Variants in KANK1 observed in about 807,000 individuals in gnomAD.
KANK1 encodes KN motif and ankyrin repeat domain-containing protein 1.
In KANK1, 109 loss-of-function variants were observed where a neutral mutation model predicts 106.2. The ratio of observed to expected loss-of-function variants is 1.03; its 90% CI spans 0.88 to 1.20. KANK1 has a LOEUF of 1.20. Ranked by LOEUF, KANK1 falls within the 50% of genes most tolerant of loss-of-function variation. KANK1 has a pLI of 0.00. For synonymous variants in KANK1, 873 were observed against 652.2 expected (o/e 1.34, Z -5.16); for missense variants, 2,399 against 1,710.7 (o/e 1.40, Z -7.10).
chr9:608,150 G>C (rs1271000853), intron 1 of KANK1, among the ~76,000 whole-genome samples: 1 of 147,174 alleles, frequency 6.8e-6, no homozygotes, highest in African/African-American at 2.5e-5. Context: ...CCATTCTCCT[G>C]CCTCAGCCTC....
chr9:555,350 A>G (rs570910234), intron 1 of KANK1, among the ~76,000 whole-genome samples: 6 of 152,034 alleles, frequency 3.9e-5, no homozygotes, highest in African/African-American at 1.5e-4. Context: ...CACCATGTAC[A>G]TGATGGCACG....
At chr9:660,249 C>A in intron 1 of KANK1, 1 of 247,400 alleles carries the variant, frequency 4.0e-6, no homozygotes, top group South Asian at 6.3e-5. Context: ...ACAGGGTGAC[C>A]AGCACAAGAA....
At chr9:497,959 G>T (rs1197765587) in intron 3 of KANK1, among the ~76,000 whole-genome samples, 1 of 152,098 alleles carries the variant, frequency 6.6e-6, no homozygotes, top group African/African-American at 2.4e-5. Context: ...TGACTTCGGG[G>T]ATCTCTCGCT....
rs574807424 is a variant in KANK1, at chr9:580,028, C to G, written c.-84+75274C>G. Among the ~76,000 whole-genome samples the G allele has an allele frequency of 4.7e-4, 72 of 152,270 alleles. 2 individuals are homozygous for G. The highest frequency in any genetic ancestry group is 1.7e-3 in the African/African-American group (70 of 41,514). On this transcript the variant is annotated intron_variant, in intron 1 of 11. Transcript: ENST00000382297. ...TCAAGAATGAAGCCACAGACCCTTG[C>G]GGTGAGTGTTACAGTTCTTAAAGAT...
At chr9:503,152 A>T (rs891653131), upstream of KANK1, among the ~76,000 whole-genome samples, 71 of 152,124 alleles carry the variant, frequency 4.7e-4, no homozygotes, top group African/African-American at 1.7e-3. Context: ...GAGCACTTTT[A>T]AAATGCAGGA....
chr9:470,462 G>A (rs1257969450), intron 1 of KANK1: 1 of 152,524 alleles, frequency 6.6e-6, no homozygotes, highest in Non-Finnish European at 1.5e-5. Context: ...TGGGAACCAA[G>A]TAAAGTAAAA....
chr9:743,367 G>C (rs1180147552), intron 10 of KANK1, among the ~76,000 whole-genome samples: 2 of 152,236 alleles, frequency 1.3e-5, no homozygotes, highest in African/African-American at 4.8e-5. Context: ...AGCTGCAGCT[G>C]TAGCAGATTC....
rs1008553347 is a variant in KANK1 at position 726,025 on chromosome 9, G to A, written c.2699-4026G>A. Among the ~76,000 whole-genome samples, 3 of 152,316 alleles carry A rather than the reference G, an allele frequency of 2.0e-5. No homozygotes were observed. The East Asian group carries it at 5.8e-4, about 29-fold the overall frequency. On this transcript the variant is annotated intron_variant, in intron 3 of 11. Transcript: ENST00000382297. ...GTGACTCTTTAGCCTTAGCAAAGCA[G>A]TGTTAAATGGGTTTCCTGTATATCC...
intron 1 of KANK1, among the ~76,000 whole-genome samples, chr9:607,655 C>T (rs574018698): frequency 6.6e-6 from 1 of 151,674 alleles, no homozygotes; most frequent in Non-Finnish European, 1.5e-5. Context: ...GGACGGCTAG[C>T]CTTGTTCTCT....
intron 1 of KANK1, among the ~76,000 whole-genome samples, chr9:661,265 C>T (rs866255088): frequency 6.2e-5 from 9 of 144,410 alleles, no homozygotes; most frequent in African/African-American, 9.8e-5. Flanking sequence ...TTAATGCTAT[C>T]CCTCCTCTCT....
At chr9:546,469 G>A (rs956535132) in intron 1 of KANK1, among the ~76,000 whole-genome samples, 7 of 152,044 alleles carry the variant, frequency 4.6e-5, no homozygotes, top group African/African-American at 1.2e-4. Context: ...ATGGGAAAAG[G>A]CGGTCAGAGA....
intron 1 of KANK1, among the ~76,000 whole-genome samples, chr9:658,875 T>C (rs1373977663): frequency 6.6e-6 from 1 of 152,146 alleles, no homozygotes; most frequent in African/African-American, 2.4e-5. Flanking sequence ...AGTTAACTCC[T>C]ACTTATCCTT....
At chr9:681,684 G>T (rs999189784) in intron 2 of KANK1, among the ~76,000 whole-genome samples, 1 of 152,140 alleles carries the variant, frequency 6.6e-6, no homozygotes, top group African/African-American at 2.4e-5. Context: ...TCTTGTCCTT[G>T]TCATGAGCCG....
chr9:656,030 TAA>T (rs1460951003), intron 1 of KANK1, among the ~76,000 whole-genome samples: 1 of 152,184 alleles, frequency 6.6e-6, no homozygotes. Flanking sequence ...GAAAGTTTAG[TAA>T]TGCCCCAGAG....
intron 3 of KANK1, among the ~76,000 whole-genome samples, chr9:722,949 A>G (rs776012389): frequency 6.6e-6 from 1 of 152,190 alleles, no homozygotes; most frequent in Non-Finnish European, 1.5e-5. Context: ...CAGGACAATG[A>G]TGGGGAAAAA....
At chr9:612,267 A>G (rs940578428) in intron 1 of KANK1, among the ~76,000 whole-genome samples, 3 of 152,094 alleles carry the variant, frequency 2.0e-5, no homozygotes, top group African/African-American at 2.4e-5. Context: ...GATTTTTGCA[A>G]TCTGTGTTTT....
At chr9:595,310 G>C (rs1485911422) in intron 1 of KANK1, among the ~76,000 whole-genome samples, 1 of 151,684 alleles carries the variant, frequency 6.6e-6, no homozygotes, top group Non-Finnish European at 1.5e-5. Flanking sequence ...TTATTCACAT[G>C]GCCCAGAAAG....
intron 1 of KANK1, among the ~76,000 whole-genome samples, chr9:541,272 C>T (rs116919466): frequency 0.022 from 3,395 of 152,256 alleles, 61 homozygotes; most frequent in Non-Finnish European, 0.034. Context: ...AGAAATAATT[C>T]ATATTTACAG....
At chr9:633,140 A>C (rs1328171260) in intron 1 of KANK1, among the ~76,000 whole-genome samples, 4 of 152,014 alleles carry the variant, frequency 2.6e-5, no homozygotes, top group Non-Finnish European at 5.9e-5. Context: ...TATTTAATGA[A>C]ACCTTTTATG....
Sources: allele counts gnomAD v4.1 joint callset (sites outside exome capture counted in the v4.1 genomes callset), GRCh38; gene constraint gnomAD v4.1.1; transcripts MANE v1.5; gene names NCBI Gene and HGNC (gene_info 2026-07-23, HGNC 2026-07-21).